The following ATP6V1H variants were observed in gnomAD, a reference collection of about 807,000 sequenced individuals.
ATP6V1H encodes ATPase H+ transporting V1 subunit H.
In ATP6V1H, 39 loss-of-function variants were observed where a neutral mutation model predicts 71.7. The observed-to-expected ratio is 0.54, with a 90% CI of 0.42 to 0.71. ATP6V1H has a LOEUF of 0.71. ATP6V1H is among the 30% of genes least tolerant of loss of function. The pLI is 0.00. For missense variants in ATP6V1H, 509 were observed against 594.9 expected, an observed-to-expected ratio of 0.86 and a Z score of 1.50; for synonymous variants, 192 against 199.3, an observed-to-expected ratio of 0.96 and a Z score of 0.31.
rs1312706817 is a variant in ATP6V1H at position 53,841,573 on chromosome 8, C to T, written c.113+5G>A. Reference sequence around the variant, plus strand: ...GTCCATGATTCACAGCAAATTGGTACTTACTGAAGATAGGATTGCCAGTTG... The same window carrying T: ...GTCCATGATTCACAGCAAATTGGTATTTACTGAAGATAGGATTGCCAGTTG... On this transcript the variant is annotated splice_donor_5th_base_variant and intron_variant, in intron 2 of 13. Transcript: ENST00000359530. 6.2e-7 allele frequency: 1 copy of T among 1,613,736 alleles called. No homozygotes were observed. The highest frequency in any genetic ancestry group is 1.3e-5 in the African/African-American group (1 of 74,926).
intron 12 of ATP6V1H, among the ~76,000 whole-genome samples, chr8:53,753,757 A>T (rs1452539630): frequency 6.6e-6 from 1 of 152,224 alleles, no homozygotes; most frequent in Non-Finnish European, 1.5e-5. Flanking sequence ...TTATCTAAAG[A>T]TCTTTAATTT....
At position 53,795,709 on chromosome 8, in the gene ATP6V1H, A is replaced by T; in HGVS notation, c.808T>A (p.Ser270Thr). The T allele has an allele frequency of 1.2e-6, 2 of 1,613,884 alleles. No homozygotes were observed. The highest frequency in any genetic ancestry group is 1.7e-6 in the Non-Finnish European group (2 of 1,179,920). Residue 270 changes from serine (S) to threonine (T), a missense_variant, in exon 9 of 14, where the codon TCT (serine) becomes ACT (threonine). Transcript: ENST00000359530. Reference protein sequence around the residue: ...LRRYNIIPVLSDILQESVKEK... With the variant: ...LRRYNIIPVLTDILQESVKEK... ...TTGACAGACTCCTGAAGGATATCAG[A>T]CAGAACTGGAATGATATTATAGCGC...
chr8:53,829,277 G>A (rs1810918120), intron 4 of ATP6V1H, among the ~76,000 whole-genome samples, 167 bp downstream of exon 4: 1 of 152,162 alleles, frequency 6.6e-6, no homozygotes, highest in Admixed American at 6.5e-5. Flanking sequence ...GGGTATCTCT[G>A]TCTTTAGCTC....
At chr8:53,816,218 T>C (rs912121052) in intron 5 of ATP6V1H, among the ~76,000 whole-genome samples, 5 of 152,310 alleles carry the variant, frequency 3.3e-5, no homozygotes, top group Admixed American at 2.6e-4. Flanking sequence ...TATGAATACA[T>C]ATACATGTGG....
chr8:53,815,525 C>T (rs188190751), intron 5 of ATP6V1H, among the ~76,000 whole-genome samples: 10 of 152,160 alleles, frequency 6.6e-5, no homozygotes, highest in African/African-American at 2.2e-4. Context: ...CATTTGAATA[C>T]AGCAAACCAG....
At chr8:53,781,902 C>T (rs1387822936) in intron 9 of ATP6V1H, among the ~76,000 whole-genome samples, 7 of 152,114 alleles carry the variant, frequency 4.6e-5, no homozygotes, top group Non-Finnish European at 7.4e-5. Context: ...TGGTTTATAT[C>T]TCTGTTTTGG....
chr8:53,724,383 T>G (rs886069851), intron 13 of ATP6V1H, among the ~76,000 whole-genome samples: 1 of 152,156 alleles, frequency 6.6e-6, no homozygotes, highest in Non-Finnish European at 1.5e-5. Context: ...AATATCCTTT[T>G]TCTCTCCTTC....
At chr8:53,784,388 T>G (rs1358767241) in intron 9 of ATP6V1H, among the ~76,000 whole-genome samples, 7 of 152,206 alleles carry the variant, frequency 4.6e-5, no homozygotes, top group Non-Finnish European at 1.0e-4. Flanking sequence ...TCCATTGGCT[T>G]GGTAGATCTT....
chr8:53,801,542 A>G (rs1399024353), intron 8 of ATP6V1H, among the ~76,000 whole-genome samples: 2 of 152,144 alleles, frequency 1.3e-5, no homozygotes, highest in African/African-American at 4.8e-5. Context: ...AAAATTTTTT[A>G]TATTCTGAGT....
Position 53,833,031 on chromosome 8 carries a change from G to A in ATP6V1H, c.169C>T (p.Arg57Ter), listed in dbSNP as rs758588271. The change falls in exon 3 of 14, where the codon CGA becomes TGA. Residue 57 changes from arginine (R) to a stop codon, truncating the protein, a stop_gained. Transcript: ENST00000359530. LOFTEE classifies it high-confidence loss of function. ...CEFIQRFEMKRSPEEKQEMLQ... is the reference protein window; with the variant it reads ...CEFIQRFEMK ...ATCTCTTGCTTCTCTTCAGGGCTTCGTTTCATTTCAAACCTCTGAATAAAC... is the reference window on the plus strand; with the variant it reads ...ATCTCTTGCTTCTCTTCAGGGCTTCATTTCATTTCAAACCTCTGAATAAAC... 2.5e-6 allele frequency: 4 copies of A among 1,613,724 alleles called. No homozygotes were observed. The highest frequency in any genetic ancestry group is 3.4e-6 in the Non-Finnish European group (4 of 1,179,784).
chr8:53,812,304 G>A (rs1050417579), intron 6 of ATP6V1H, among the ~76,000 whole-genome samples: 1 of 152,148 alleles, frequency 6.6e-6, no homozygotes, highest in African/African-American at 2.4e-5. Context: ...ACAACTTAAA[G>A]CCAAACACTC....
In ATP6V1H at chr8:53,832,818, T is replaced by G. The variant is rs1468867701; in HGVS notation, c.216+166A>C. On this transcript the variant is annotated intron_variant, in intron 3 of 13. Transcript: ENST00000359530. ...AGAAATTTGTCTTCCAGGTGTATAT[T>G]CTAAGAAAATATTCAGAAATACAGA... is the stretch of plus-strand genomic sequence containing the variant. The G allele has an allele frequency of 6.7e-6, 3 of 448,536 alleles. No homozygotes were observed. The South Asian group carries it at 1.5e-4, about 23-fold the overall frequency. 27.8% of individuals were successfully genotyped at this position (448,536 alleles called of 1,614,324 possible).
intron 9 of ATP6V1H, among the ~76,000 whole-genome samples, chr8:53,788,736 T>C (rs1050293880): frequency 3.3e-5 from 5 of 152,192 alleles, no homozygotes; most frequent in African/African-American, 1.2e-4. Flanking sequence ...CCTAGGTCTA[T>C]CCACTCCAGA....
At chr8:53,753,109 A>G (rs1443399500) in intron 12 of ATP6V1H, among the ~76,000 whole-genome samples, 1 of 151,666 alleles carries the variant, frequency 6.6e-6, no homozygotes, top group Non-Finnish European at 1.5e-5. Context: ...AGAAGTTTCA[A>G]AAAGCAGAGT....
chr8:53,766,279 T>C (rs964761596), intron 11 of ATP6V1H, among the ~76,000 whole-genome samples: 1 of 152,232 alleles, frequency 6.6e-6, no homozygotes, highest in Non-Finnish European at 1.5e-5. Context: ...TAAACATAAA[T>C]TGTAAAGATT....
intron 9 of ATP6V1H, among the ~76,000 whole-genome samples, chr8:53,786,563 T>G (rs1809391676): frequency 6.6e-6 from 1 of 152,174 alleles, no homozygotes; most frequent in African/African-American, 2.4e-5. Flanking sequence ...CCCAGTGAGA[T>G]GAACCTGGTA....
intron 9 of ATP6V1H, among the ~76,000 whole-genome samples, chr8:53,779,933 CG>C (rs1192388027): frequency 9.2e-5 from 14 of 152,134 alleles, no homozygotes; most frequent in African/African-American, 2.7e-4. Context: ...CCAAGGCAGG[CG>C]GATCACCTGA....
rs1183224342 is a variant in ATP6V1H at position 53,748,163 on chromosome 8, C to CA, written c.1278-4474dup. ...ACAGAGTGAGACTCCATCTCAAAAACAAAAAAAAAAGTGGTGGGAGAGACA... is the reference window on the plus strand; with the variant it reads ...ACAGAGTGAGACTCCATCTCAAAAACAAAAAAAAAAAGTGGTGGGAGAGACA... On this transcript the variant is annotated intron_variant, in intron 12 of 13. Transcript: ENST00000359530. Among the ~76,000 whole-genome samples, 460 of 141,804 alleles carry CA rather than the reference C, an allele frequency of 3.2e-3. 1 individual carries two copies. Among genetic ancestry groups the CA allele is most frequent in the African/African-American group, 0.01 (394 of 38,754 alleles). 93.0% of individuals were successfully genotyped at this position (141,804 alleles called of 152,430 possible). A position where few individuals can be genotyped will look rare whatever the true frequency, so the allele number is the denominator to read the frequency against.
intron 7 of ATP6V1H, among the ~76,000 whole-genome samples, chr8:53,810,822 T>A (rs562192084): frequency 6.6e-6 from 1 of 152,206 alleles, no homozygotes; most frequent in Admixed American, 6.5e-5. Flanking sequence ...AGACAGATAT[T>A]AGACAGTTTA....
Sources: gnomAD v4.1 joint callset for allele counts (sites outside exome capture counted in the v4.1 genomes callset) on GRCh38, gnomAD v4.1.1 for gene constraint, MANE v1.5 for transcripts, NCBI Gene and HGNC (gene_info 2026-07-23, HGNC 2026-07-21) for gene names.